LRRC7: variants seen among roughly 807,000 people sequenced by gnomAD.
The protein encoded by LRRC7 is leucine rich repeat containing 7.
In LRRC7, 23 loss-of-function variants were observed where a neutral mutation model predicts 175.7. The ratio of observed to expected loss-of-function variants is 0.13; its 90% CI spans 0.09 to 0.19. LRRC7 has a LOEUF of 0.19. LRRC7 is among the 10% of genes least tolerant of loss of function. The pLI is 1.00. For missense variants in LRRC7, 1,354 were observed against 1,904.7 expected (o/e 0.71, Z 5.38); for synonymous variants, 685 against 680.9 (o/e 1.01, Z -0.09).
At position 70,132,663 on chromosome 1, in the gene LRRC7, G is replaced by A. The variant is rs921524400; in HGVS notation, c.*10776G>A. Among the ~76,000 whole-genome samples the A allele has an allele frequency of 6.6e-5, 10 of 151,830 alleles. No homozygotes were observed. The highest frequency in any genetic ancestry group is 3.9e-4 in the Admixed American group (6 of 15,244). The stretch of plus-strand genomic sequence containing the variant: ...ATTTTTTGTATTTTTAGTAGAGACG[G>A]AGTTTCACCTTCTTGGCCAGGTTGG... On this transcript the variant is annotated 3_prime_UTR_variant, in exon 27 of 27. Transcript: ENST00000651989.
intron 1 of LRRC7, among the ~76,000 whole-genome samples, chr1:69,660,573 G>T (rs1425824729): frequency 6.6e-6 from 1 of 152,078 alleles, no homozygotes; most frequent in African/African-American, 2.4e-5. Context: ...CCAAGTGTAG[G>T]ATTAACTGTG....
rs145244556 is a variant in LRRC7, at chr1:69,570,603, C to T, written c.2+1962C>T. On this transcript the variant is annotated intron_variant, in intron 1 of 26. Coordinates refer to ENST00000651989, the MANE Select transcript of LRRC7 (RefSeq NM_001370785.2). ...CTTCCCAGTCCAAGTGTCACGCCTC[C>T]GTCCAGGCTTCCTTGAATTGGCTTC... 2.1e-4 allele frequency among the ~76,000 whole-genome samples: 32 copies of T among 152,240 alleles called. No individual in the cohort carries two copies. The East Asian group carries it at 5.4e-3, about 26-fold the overall frequency.
At chr1:69,581,707 G>A (rs1646209454) in intron 1 of LRRC7, among the ~76,000 whole-genome samples, 1 of 152,044 alleles carries the variant, frequency 6.6e-6, no homozygotes, top group East Asian at 1.9e-4. Context: ...TAAGAAAAAA[G>A]TTTTTAAATA....
intron 4 of LRRC7, among the ~76,000 whole-genome samples, chr1:69,824,120 C>T (rs1304443660): frequency 6.6e-6 from 1 of 152,064 alleles, no homozygotes; most frequent in African/African-American, 2.4e-5. Context: ...TCACTTCTGC[C>T]TCCATGTCCT....
At position 70,141,116 on chromosome 1, in the gene LRRC7, TAA is replaced by T. The variant is rs1387095146; in HGVS notation, c.*19231_*19232del. On this transcript the variant is annotated 3_prime_UTR_variant, in exon 27 of 27. Coordinates refer to ENST00000651989, the MANE Select transcript of LRRC7 (RefSeq NM_001370785.2). ...GAGTCATCCCAGAGTTCTAAGCTCATAAAGAGGAAGAGATAACAAAAGATGTA... is the reference window on the plus strand; with the variant it reads ...GAGTCATCCCAGAGTTCTAAGCTCATAGAGGAAGAGATAACAAAAGATGTA... Among the ~76,000 whole-genome samples, 1 of 151,992 alleles carries T rather than the reference TAA, an allele frequency of 6.6e-6. No individual in the cohort carries two copies. The highest frequency in any genetic ancestry group is 1.5e-5 in the Non-Finnish European group (1 of 67,972).
At chr1:69,666,358 C>CT (rs1206628685) in intron 1 of LRRC7, among the ~76,000 whole-genome samples, 1 of 151,984 alleles carries the variant, frequency 6.6e-6, no homozygotes, top group African/African-American at 2.4e-5. Flanking sequence ...GTATTCCTTC[C>CT]TCCTCTATTT....
At chr1:69,916,862 TTAA>T (rs1020611629) in intron 7 of LRRC7, among the ~76,000 whole-genome samples, 4 of 152,112 alleles carry the variant, frequency 2.6e-5, no homozygotes, top group African/African-American at 9.6e-5. Flanking sequence ...TTCAGTGGTG[TTAA>T]TAAGAAAATA....
chr1:69,663,876 C>T lies in LRRC7; in HGVS notation c.3-14505C>T, dbSNP rs1022613446. ...AGCTGGGACTACAGGCGCCCGCCAC[C>T]GCGCCCGGCTAATTTTTTGTATTTT... On this transcript the variant is annotated intron_variant, in intron 1 of 26. Coordinates refer to ENST00000651989, the MANE Select transcript of LRRC7 (RefSeq NM_001370785.2). Among the ~76,000 whole-genome samples, 34 of 151,384 alleles carry T rather than the reference C, an allele frequency of 2.2e-4. No individual in the cohort carries two copies. The East Asian group carries it at 2.5e-3, about 11-fold the overall frequency.
chr1:69,955,310 G>A (rs2101831874), intron 8 of LRRC7, among the ~76,000 whole-genome samples: 1 of 152,158 alleles, frequency 6.6e-6, no homozygotes, highest in Middle Eastern at 3.4e-3. Flanking sequence ...AAGTGTTGAG[G>A]AGCCTCTATC....
chr1:69,755,651 A>G (rs766925065), intron 2 of LRRC7, among the ~76,000 whole-genome samples: 1 of 151,800 alleles, frequency 6.6e-6, no homozygotes, highest in Non-Finnish European at 1.5e-5. Context: ...TAGATTATAC[A>G]CCACAGACCT....
At chr1:69,868,589 T>G (rs1371314441) in intron 7 of LRRC7, among the ~76,000 whole-genome samples, 2 of 152,092 alleles carry the variant, frequency 1.3e-5, no homozygotes, top group African/African-American at 4.8e-5. Flanking sequence ...GGAAGCTGAA[T>G]AGGGAGAGAT....
At chr1:69,721,852 G>A (rs1320283556) in intron 2 of LRRC7, among the ~76,000 whole-genome samples, 1 of 151,712 alleles carries the variant, frequency 6.6e-6, no homozygotes, top group Non-Finnish European at 1.5e-5. Flanking sequence ...GTATTTTATT[G>A]TGTGAAAATA....
chr1:69,636,173 A>G (rs1315675527), intron 1 of LRRC7, among the ~76,000 whole-genome samples: 1 of 152,036 alleles, frequency 6.6e-6, no homozygotes, highest in African/African-American at 2.4e-5. Context: ...TCTTGAAAAA[A>G]GAATGGCCAG....
intron 2 of LRRC7, among the ~76,000 whole-genome samples, chr1:69,741,831 T>C (rs1022829572): frequency 9.9e-5 from 15 of 152,018 alleles, no homozygotes. Context: ...AGCCTTCTAA[T>C]TAGTTTCCCA....
intron 2 of LRRC7, among the ~76,000 whole-genome samples, chr1:69,681,673 C>A (rs778173001): frequency 6.6e-6 from 1 of 151,926 alleles, no homozygotes; most frequent in East Asian, 1.9e-4. Flanking sequence ...AGCCACAGCC[C>A]CTTTCAACTA....
intron 1 of LRRC7, 47 bp downstream of exon 1, chr1:69,568,688 C>T: frequency 8.7e-7 from 1 of 1,155,698 alleles, no homozygotes; most frequent in Non-Finnish European, 1.1e-6. Context: ...TGCGGGGGCC[C>T]GGCCGCGGCG....
chr1:69,797,771 A>G (rs1397774531), intron 4 of LRRC7, among the ~76,000 whole-genome samples: 2 of 152,100 alleles, frequency 1.3e-5, no homozygotes, highest in African/African-American at 4.8e-5. Flanking sequence ...TGACTGCATT[A>G]CTCTCCAATA....
intron 11 of LRRC7, among the ~76,000 whole-genome samples, chr1:70,009,783 C>T (rs987156699): frequency 1.3e-5 from 2 of 152,218 alleles, no homozygotes; most frequent in African/African-American, 4.8e-5. Context: ...TTCACCACAA[C>T]TCATTCTAAT....
intron 26 of LRRC7, among the ~76,000 whole-genome samples, chr1:70,121,483 A>G (rs1666204301): frequency 6.6e-6 from 1 of 152,062 alleles, no homozygotes; most frequent in Non-Finnish European, 1.5e-5. Flanking sequence ...AAATCAGGAC[A>G]ACAACAATGG....
Sources: allele counts gnomAD v4.1 joint callset (sites outside exome capture counted in the v4.1 genomes callset), GRCh38; gene constraint gnomAD v4.1.1; transcripts MANE v1.5; gene names NCBI Gene and HGNC (gene_info 2026-07-23, HGNC 2026-07-21).